The following ZNF385D variants were observed in gnomAD, a reference collection of about 807,000 sequenced individuals.
ZNF385D encodes the protein zinc finger protein 659.
A neutral mutation model predicts 35.8 loss-of-function variants in ZNF385D; 15 were observed. The observed-to-expected ratio is 0.42, with a 90% CI of 0.28 to 0.64. ZNF385D has a LOEUF of 0.64. Among genes scored for constraint, ZNF385D ranks in the 30% least tolerant of loss-of-function variants. ZNF385D has a pLI of 0.23. For missense variants in ZNF385D, 474 were observed against 494.6 expected (o/e 0.96, Z 0.39); for synonymous variants, 212 against 186.8 (o/e 1.13, Z -1.10).
intron 1 of ZNF385D, among the ~76,000 whole-genome samples, chr3:21,733,146 C>T (rs1355664597): frequency 6.6e-6 from 1 of 151,826 alleles, no homozygotes; most frequent in African/African-American, 2.4e-5. Context: ...TTTGAAAAGA[C>T]TTTTTCCATT....
intron 2 of ZNF385D, among the ~76,000 whole-genome samples, chr3:22,366,364 C>T (rs1206604921): frequency 6.6e-6 from 1 of 152,086 alleles, no homozygotes. Flanking sequence ...CTTCGATATT[C>T]CCAGCACTAG....
chr3:21,608,470 T>C (rs1306606135), intron 2 of ZNF385D, among the ~76,000 whole-genome samples: 2 of 152,218 alleles, frequency 1.3e-5, no homozygotes, highest in Non-Finnish European at 2.9e-5. Flanking sequence ...AGATTACCTG[T>C]GTTTAAACCT....
At chr3:22,168,944 G>T (rs1417523633) in exon 3 of ZNF385D, 1 of 985,848 alleles carries the variant, frequency 1.0e-6, no homozygotes, top group African/African-American at 1.7e-5. Context: ...ACAAAGTAAA[G>T]TTGGTATGTT....
At chr3:21,874,661 C>T (rs115767521) in intron 3 of ZNF385D, among the ~76,000 whole-genome samples, 1 of 152,056 alleles carries the variant, frequency 6.6e-6, no homozygotes, top group Non-Finnish European at 1.5e-5. Context: ...GTTTCAAAAT[C>T]AGGAAATGTG....
intron 5 of ZNF385D, among the ~76,000 whole-genome samples, chr3:21,426,644 G>T (rs1443987289): frequency 6.6e-6 from 1 of 151,742 alleles, no homozygotes; most frequent in African/African-American, 2.4e-5. Context: ...GAAATATTTG[G>T]TAGTAGTTTC....
chr3:22,232,476 G>T (rs1559468281), intron 2 of ZNF385D, among the ~76,000 whole-genome samples: 1 of 152,024 alleles, frequency 6.6e-6, no homozygotes, highest in Non-Finnish European at 1.5e-5. Flanking sequence ...TGCCATGGTG[G>T]TTTGTTGCAC....
At chr3:22,128,507 T>C (rs114160640) in intron 3 of ZNF385D, among the ~76,000 whole-genome samples, 1 of 152,176 alleles carries the variant, frequency 6.6e-6, no homozygotes, top group African/African-American at 2.4e-5. Context: ...GATCAATAAC[T>C]CTTATGTTTG....
At chr3:21,897,860 A>G (rs762314225) in intron 3 of ZNF385D, among the ~76,000 whole-genome samples, 5 of 152,172 alleles carry the variant, frequency 3.3e-5, no homozygotes, top group Non-Finnish European at 4.4e-5. Flanking sequence ...CTTAGTGTGT[A>G]TCGAAAAGAA....
At chr3:22,125,280 G>A (rs991915861) in intron 3 of ZNF385D, among the ~76,000 whole-genome samples, 4 of 152,082 alleles carry the variant, frequency 2.6e-5, no homozygotes, top group African/African-American at 9.7e-5. Context: ...GTATGCATCT[G>A]TTTTTAAGTC....
intron 3 of ZNF385D, among the ~76,000 whole-genome samples, chr3:22,011,319 A>G (rs1277145183): frequency 6.6e-6 from 1 of 152,156 alleles, no homozygotes; most frequent in East Asian, 1.9e-4. Flanking sequence ...GAAAAAAAAG[A>G]TCATGCTTAT....
At chr3:21,940,361 T>A (rs1467773239) in intron 3 of ZNF385D, among the ~76,000 whole-genome samples, 1 of 152,232 alleles carries the variant, frequency 6.6e-6, no homozygotes, top group Non-Finnish European at 1.5e-5. Flanking sequence ...TATCTCACGT[T>A]CTTCGTCTGT....
At chr3:22,123,616 A>T (rs1918459) in intron 3 of ZNF385D, among the ~76,000 whole-genome samples, 95,672 of 152,058 alleles carry the variant, frequency 0.63, 30,938 homozygotes, top group African/African-American at 0.79. Context: ...TCCCAACACT[A>T]TGGGAGGCCA....
At chr3:22,340,304 T>G (rs542803542) in intron 2 of ZNF385D, among the ~76,000 whole-genome samples, 2 of 152,218 alleles carry the variant, frequency 1.3e-5, no homozygotes, top group African/African-American at 4.8e-5. Flanking sequence ...AAATAAAGAT[T>G]TGGGCCCAGT....
At chr3:22,032,640 T>A (rs1362131765) in intron 3 of ZNF385D, among the ~76,000 whole-genome samples, 1 of 152,084 alleles carries the variant, frequency 6.6e-6, no homozygotes, top group Non-Finnish European at 1.5e-5. Flanking sequence ...TTAACATAGA[T>A]CTGGCAAATT....
At chr3:21,980,138 T>A (rs12638192) in intron 3 of ZNF385D, among the ~76,000 whole-genome samples, 38,012 of 152,126 alleles carry the variant, frequency 0.25, 5,212 homozygotes, top group East Asian at 0.33. Context: ...AGAGAGGCTC[T>A]TGGGGCAAGG....
chr3:21,448,459 C>T (rs1021103342), intron 4 of ZNF385D, among the ~76,000 whole-genome samples: 1 of 152,048 alleles, frequency 6.6e-6, no homozygotes, highest in African/African-American at 2.4e-5. Flanking sequence ...ACAATGATTT[C>T]TTGATAGAAT....
chr3:21,478,137 G>A (rs980090406), intron 4 of ZNF385D, among the ~76,000 whole-genome samples: 2 of 152,130 alleles, frequency 1.3e-5, no homozygotes, highest in African/African-American at 2.4e-5. Context: ...AAAAGAGTAT[G>A]ACTATAGTAT....
At chr3:21,496,714 G>A (rs1048088571) in intron 4 of ZNF385D, among the ~76,000 whole-genome samples, 1 of 151,452 alleles carries the variant, frequency 6.6e-6, no homozygotes, top group African/African-American at 2.4e-5. Flanking sequence ...TAATCAAATA[G>A]GCTTTCTCCC....
chr3:21,826,698 A>G (rs1284264276), intron 3 of ZNF385D, among the ~76,000 whole-genome samples: 1 of 152,232 alleles, frequency 6.6e-6, no homozygotes, highest in East Asian at 1.9e-4. Context: ...CCAGCATTTT[A>G]CAAATAATTG....
Sources: gnomAD v4.1 joint callset for allele counts (sites outside exome capture counted in the v4.1 genomes callset) on GRCh38, gnomAD v4.1.1 for gene constraint, MANE v1.5 for transcripts, NCBI Gene and HGNC (gene_info 2026-07-23, HGNC 2026-07-21) for gene names.